ANK3: variants seen among roughly 807,000 people sequenced by gnomAD.
ANK3 encodes ankyrin 3.
ANK3 carries 57 observed loss-of-function variants against 370.9 expected under a neutral mutation model. The ratio of observed to expected loss-of-function variants is 0.15; its 90% CI spans 0.12 to 0.19. The LOEUF is 0.19. ANK3 is among the 10% of genes least tolerant of loss of function. The pLI, the probability that ANK3 is intolerant of heterozygous loss-of-function variation, is 1.00. For missense variants in ANK3, 4,439 were observed against 5,302.1 expected (o/e 0.84, Z 5.06); for synonymous variants, 1,929 against 1,946.3 (o/e 0.99, Z 0.23).
At chr10:60,682,361 G>A (rs549618688) in intron 1 of ANK3, among the ~76,000 whole-genome samples, 1 of 150,218 alleles carries the variant, frequency 6.7e-6, no homozygotes, top group Non-Finnish European at 1.5e-5. Context: ...CTTGATACCT[G>A]TTGATTTAAA....
intron 1 of ANK3, among the ~76,000 whole-genome samples, chr10:60,383,971 G>A (rs1183415990): frequency 2.6e-5 from 4 of 152,142 alleles, no homozygotes; most frequent in Non-Finnish European, 5.9e-5. Context: ...GAGACTGCTA[G>A]CATCTCATTA....
At chr10:60,161,543 T>A (rs1413249182) in intron 23 of ANK3, among the ~76,000 whole-genome samples, 2 of 152,100 alleles carry the variant, frequency 1.3e-5, no homozygotes, top group African/African-American at 2.4e-5. Flanking sequence ...CATAATGAAA[T>A]ATTATTCAGC....
At chr10:60,037,154 A>AG (rs2075195293) in intron 43 of ANK3, among the ~76,000 whole-genome samples, 3 of 152,306 alleles carry the variant, frequency 2.0e-5, no homozygotes, top group African/African-American at 7.2e-5. Context: ...TGAAGCCACC[A>AG]TTATGGCTTA....
At chr10:60,036,988 T>C (rs929818639) in intron 43 of ANK3, among the ~76,000 whole-genome samples, 3 of 152,220 alleles carry the variant, frequency 2.0e-5, no homozygotes, top group Non-Finnish European at 4.4e-5. Flanking sequence ...CCTGAATGCC[T>C]GTCATTCTTC....
rs1169937963 is a variant in ANK3, at chr10:60,027,415, C to A, written c.*2431G>T. 2 of 151,622 alleles carry A rather than the reference C, an allele frequency of 1.3e-5. No individual in the cohort carries two copies. The highest frequency in any genetic ancestry group is 2.9e-5 in the Non-Finnish European group (2 of 67,972). The allele number at this position is 151,622 out of a possible 1,614,324, so 9.4% of individuals were successfully genotyped here. On this transcript the variant is annotated 3_prime_UTR_variant, in exon 44 of 44. Transcript: ENST00000280772. ...GGGATACCATGCAGATGCAACCTAG[C>A]CCCATTCTTTATGCAAAGTAGATTA...
intron 2 of ANK3, among the ~76,000 whole-genome samples, chr10:60,509,552 T>C (rs2076027529): frequency 1.3e-5 from 2 of 152,172 alleles, no homozygotes; most frequent in Non-Finnish European, 2.9e-5. Flanking sequence ...TCAGATTTCA[T>C]AGATTCATGA....
At chr10:60,732,352 T>A (rs2080035425) in intron 1 of ANK3, among the ~76,000 whole-genome samples, 2 of 152,174 alleles carry the variant, frequency 1.3e-5, no homozygotes, top group African/African-American at 2.4e-5. Flanking sequence ...TTTAAACCAA[T>A]TATGCCACAT....
chr10:60,074,888 C>G lies in ANK3; in HGVS notation c.5993G>C (p.Arg1998Pro), dbSNP rs369444587. ...CGCAGCAGCTTGTTGTCTGGCTTCC[C>G]GGATTTCTTCCGAACTAAATTCTAT... is the stretch of plus-strand genomic sequence containing the variant. ...DWIEFSSEEI[R>P]EARQQAAASQ... Residue 1998 changes from arginine (R) to proline (P), a missense_variant, in exon 37 of 44, where the codon CGG becomes CCG. Around this residue, in one of 13 missense-constraint regions of ANK3, gnomAD observed 679 missense variants for 791.0 expected, o/e 0.86. Coordinates refer to ENST00000280772, the MANE Select transcript of ANK3 (RefSeq NM_020987.5). 3 of 1,613,822 alleles carry G rather than the reference C, an allele frequency of 1.9e-6. No individual in the cohort carries two copies. Among genetic ancestry groups the G allele is most frequent in the Non-Finnish European group, 1.7e-6 (2 of 1,179,942 alleles).
chr10:60,152,687 GC>G (rs1341455526), intron 23 of ANK3, among the ~76,000 whole-genome samples: 2 of 151,874 alleles, frequency 1.3e-5, no homozygotes, highest in African/African-American at 4.8e-5. Context: ...ACAAAATACG[GC>G]AACCACACAG....
intron 2 of ANK3, among the ~76,000 whole-genome samples, chr10:60,402,348 A>G (rs2063368783): frequency 6.6e-6 from 1 of 152,200 alleles, no homozygotes; most frequent in East Asian, 1.9e-4. Context: ...ACACCAAAGA[A>G]TTTACTGCTC....
intron 1 of ANK3, among the ~76,000 whole-genome samples, chr10:60,282,247 G>C (rs1043913955): frequency 1.1e-4 from 17 of 152,108 alleles, no homozygotes; most frequent in African/African-American, 4.1e-4. Flanking sequence ...AACAACAGCG[G>C]CTAAAGAAGT....
chr10:60,079,174 TACACACACACACACACAC>T (rs58239281), intron 36 of ANK3, among the ~76,000 whole-genome samples: 252 of 113,842 alleles, frequency 2.2e-3, no homozygotes, highest in African/African-American at 7.5e-3. Flanking sequence ...GCTACCTAGC[TACACACACACACACACAC>T]ACACACACAC....
rs977024869 is a variant in ANK3, at chr10:60,148,232, G to GT, written c.2615-9146dup. The stretch of plus-strand genomic sequence containing the variant: ...CAGAACAAATGACCCTGCTTAAGCT[G>GT]TTTTTTTTTTAGTACAAACCAGTTT... On this transcript the variant is annotated intron_variant, in intron 23 of 43. Coordinates refer to ENST00000280772, the MANE Select transcript of ANK3 (RefSeq NM_020987.5). Among the ~76,000 whole-genome samples, 266 of 147,984 alleles carry GT rather than the reference G, an allele frequency of 1.8e-3. 1 individual carries two copies. Among genetic ancestry groups the GT allele is most frequent in the African/African-American group, 4.4e-3 (179 of 40,418 alleles).
intron 26 of ANK3, among the ~76,000 whole-genome samples, chr10:60,109,991 C>G (rs2092571071): frequency 6.6e-6 from 1 of 152,026 alleles, no homozygotes; most frequent in South Asian, 2.1e-4. Flanking sequence ...TAAGGTCAGA[C>G]AGGGGAACAC....
chr10:60,099,715 A>T (rs1407272190), intron 28 of ANK3, among the ~76,000 whole-genome samples: 1 of 152,210 alleles, frequency 6.6e-6, no homozygotes, highest in Non-Finnish European at 1.5e-5. Flanking sequence ...AATTAATATG[A>T]TTCTATCTTC....
chr10:60,265,384 T>C (rs529624769), intron 5 of ANK3, among the ~76,000 whole-genome samples: 1 of 152,208 alleles, frequency 6.6e-6, no homozygotes, highest in East Asian at 1.9e-4. Flanking sequence ...ACATTTTGAC[T>C]CTCCCCTTTG....
At chr10:60,713,031 T>A (rs1416719224) in intron 1 of ANK3, among the ~76,000 whole-genome samples, 1 of 152,150 alleles carries the variant, frequency 6.6e-6, no homozygotes, top group African/African-American at 2.4e-5. Flanking sequence ...CACCTTTTTA[T>A]CAGTAATTGA....
chr10:60,277,277 A>T (rs2098105173), intron 4 of ANK3, among the ~76,000 whole-genome samples: 1 of 152,210 alleles, frequency 6.6e-6, no homozygotes, highest in African/African-American at 2.4e-5. Context: ...ATCCTGGTAA[A>T]ATCAAGTGCA....
intron 2 of ANK3, among the ~76,000 whole-genome samples, chr10:60,432,396 C>A (rs1042885895): frequency 6.6e-6 from 1 of 152,162 alleles, no homozygotes; most frequent in Admixed American, 6.5e-5. Context: ...AAGGTATTCT[C>A]TGAAGGACAT....
Sources: gnomAD v4.1 joint callset for allele counts (sites outside exome capture counted in the v4.1 genomes callset) on GRCh38, gnomAD v4.1.1 for gene constraint, gnomAD v4.1.1 regional missense constraint, MANE v1.5 for transcripts, NCBI Gene and HGNC (gene_info 2026-07-23, HGNC 2026-07-21) for gene names.